The following NUP93 variants were observed in gnomAD, a reference collection of about 807,000 sequenced individuals.
The protein encoded by NUP93 is nucleoporin 93.
A neutral mutation model predicts 107.8 loss-of-function variants in NUP93; 55 were observed. The observed-to-expected ratio is 0.51, with a 90% confidence interval of 0.41 to 0.64. The LOEUF is 0.64. Ranked by LOEUF, NUP93 falls within the 30% of genes least tolerant of loss-of-function variation. NUP93 has a pLI of 0.00. For synonymous variants in NUP93, 390 were observed against 397.5 expected, an observed-to-expected ratio of 0.98 and a Z score of 0.22; for missense variants, 937 against 1,044.7, an observed-to-expected ratio of 0.90 and a Z score of 1.42.
chr16:56,828,376 T>C (rs1963712520), intron 8 of NUP93, among the ~76,000 whole-genome samples: 1 of 152,106 alleles, frequency 6.6e-6, no homozygotes, highest in African/African-American at 2.4e-5. Flanking sequence ...TAATAATAAA[T>C]TAATGTTAAG....
At chr16:56,761,834 TTTTTGTTGTTACCA>T (rs1962132601) in intron 3 of NUP93, among the ~76,000 whole-genome samples, 1 of 152,174 alleles carries the variant, frequency 6.6e-6, no homozygotes, top group Non-Finnish European at 1.5e-5. Context: ...TTAATATGGG[TTTTTGTTGTTACCA>T]TTTTGTTGTT....
At chr16:56,810,944 G>T (rs913469806) in intron 5 of NUP93, among the ~76,000 whole-genome samples, 1 of 152,126 alleles carries the variant, frequency 6.6e-6, no homozygotes, top group Non-Finnish European at 1.5e-5. Context: ...GTAACCTTTT[G>T]TATATTATTG....
In NUP93 at chr16:56,812,308, A is replaced by G. The variant is rs147026885; in HGVS notation, c.490-6356A>G. 2.6e-3 allele frequency among the ~76,000 whole-genome samples: 391 copies of G among 152,270 alleles called. 2 individuals are homozygous for G. Among genetic ancestry groups the G allele is most frequent in the African/African-American group, 8.8e-3 (365 of 41,562 alleles). ...ACAGGAGTTTCCCCCAGTTCCTTCT[A>G]AAGGAGACATTGGTAATATCTGTTC... On this transcript the variant is annotated intron_variant, in intron 5 of 21. Coordinates refer to ENST00000308159, the MANE Select transcript of NUP93 (RefSeq NM_014669.5).
chr16:56,844,243 C>T (rs1207995407), intron 21 of NUP93, among the ~76,000 whole-genome samples: 1 of 152,178 alleles, frequency 6.6e-6, no homozygotes, highest in Admixed American at 6.5e-5. Context: ...CTGGCAAACC[C>T]ATCTGCTTTT....
At chr16:56,810,517 G>C (rs1279585423) in intron 5 of NUP93, among the ~76,000 whole-genome samples, 1 of 151,972 alleles carries the variant, frequency 6.6e-6, no homozygotes, top group African/African-American at 2.4e-5. Context: ...CTGTAGTCTG[G>C]GCTACTCAAG....
chr16:56,804,846 C>T (rs1963099596), intron 4 of NUP93, among the ~76,000 whole-genome samples: 1 of 148,970 alleles, frequency 6.7e-6, no homozygotes, highest in Non-Finnish European at 1.5e-5. Context: ...GCGGAGGTTG[C>T]AGTGAGCCGA....
intron 3 of NUP93, chr16:56,783,698 C>T (rs1396299243): frequency 6.1e-6 from 6 of 985,198 alleles, no homozygotes; most frequent in Admixed American, 6.2e-5. Context: ...GTATCATGGT[C>T]GAGGTGAGCT....
At chr16:56,808,115 ATTATATAACTATATAAATATAT>A (rs1567398089) in intron 5 of NUP93, among the ~76,000 whole-genome samples, 1 of 123,856 alleles carries the variant, frequency 8.1e-6, no homozygotes, top group African/African-American at 3.0e-5. Flanking sequence ...ATAAATATAT[ATTATATAACTATATAAATATAT>A]TTATATAACT....
chr16:56,794,927 C>CAAAAAAAAAAAAA (rs747651772), intron 3 of NUP93, among the ~76,000 whole-genome samples: 1 of 71,914 alleles, frequency 1.4e-5, no homozygotes, highest in Non-Finnish European at 2.5e-5. Flanking sequence ...GACTCTGTCT[C>CAAAAAAAAAAAAA]AAAAAAAAAA....
intron 9 of NUP93, among the ~76,000 whole-genome samples, chr16:56,830,122 C>G (rs1596851701): frequency 6.6e-6 from 1 of 152,174 alleles, no homozygotes; most frequent in African/African-American, 2.4e-5. Flanking sequence ...AGGATAGTCT[C>G]TTACTGGTCA....
rs535368460 is a variant in NUP93, at chr16:56,795,867, G to A, written c.298-2609G>A. On this transcript the variant is annotated intron_variant, in intron 3 of 21. Transcript: ENST00000308159. ...TCACCATGTTGGCCAGGATGGTCTCGAACTCCTGACCTCAAGTGATCCACC... is the reference window on the plus strand; with the variant it reads ...TCACCATGTTGGCCAGGATGGTCTCAAACTCCTGACCTCAAGTGATCCACC... 1.1e-4 allele frequency among the ~76,000 whole-genome samples: 17 copies of A among 152,106 alleles called. No homozygotes were observed. In the South Asian group the frequency reaches 2.9e-3, roughly 26 times the overall value.
chr16:56,773,938 C>CAT (rs1469467310), intron 3 of NUP93, among the ~76,000 whole-genome samples: 1 of 152,126 alleles, frequency 6.6e-6, no homozygotes, highest in African/African-American at 2.4e-5. Context: ...TCATCAAGGA[C>CAT]ATAGTGTTCA....
At chr16:56,839,750 C>T (rs757582541) in intron 20 of NUP93, 146 bp downstream of exon 20, 9 of 678,664 alleles carry the variant, frequency 1.3e-5, no homozygotes, top group Admixed American at 9.8e-5. Flanking sequence ...CTTTCAGATA[C>T]CTTGGCCTGG....
intron 2 of NUP93, among the ~76,000 whole-genome samples, chr16:56,757,210 G>A (rs1196250540): frequency 6.6e-6 from 1 of 152,210 alleles, no homozygotes; most frequent in African/African-American, 2.4e-5. Flanking sequence ...TATACCTGTA[G>A]GTGTTAGGGT....
At chr16:56,739,534 C>G (rs1246620470) in intron 1 of NUP93, among the ~76,000 whole-genome samples, 17 of 111,242 alleles carry the variant, frequency 1.5e-4, no homozygotes, top group African/African-American at 5.3e-4. Flanking sequence ...CTGACCCCCC[C>G]CCACCTCCCT....
rs34670294 is a variant in NUP93 at position 56,748,396 on chromosome 16, G to A, written c.149G>A (p.Arg50His). 6.2e-6 allele frequency: 10 copies of A among 1,613,554 alleles called. No homozygotes were observed. In the African/African-American group the frequency reaches 8.0e-5, roughly 13 times the overall value. ...CGCCTGCGTTCCCGTACCCTAACAC[G>A]CACGTCCCAGGAGACGGCAGATGTC... is the stretch of plus-strand genomic sequence containing the variant. ...GERLRSRTLT[R>H]TSQETADVKA... Residue 50 changes from arginine (R) to histidine (H), a missense_variant, in exon 2 of 22, where the codon CGC (arginine) becomes CAC (histidine). By Grantham distance (29) the Arg-to-His change is conservative. Transcript: ENST00000308159.
At chr16:56,772,298 T>C (rs1464548646) in intron 3 of NUP93, among the ~76,000 whole-genome samples, 2 of 152,222 alleles carry the variant, frequency 1.3e-5, no homozygotes, top group African/African-American at 2.4e-5. Context: ...CTTGGCAGTA[T>C]GCACCCACCA....
chr16:56,839,525 T>C lies in NUP93; in HGVS notation c.2141T>C (p.Ile714Thr). Residue 714 changes from isoleucine to threonine, a missense_variant, in exon 20 of 22, where the codon ATT (isoleucine) becomes ACT (threonine). By Grantham distance (89) the Ile-to-Thr change is moderately conservative (BLOSUM62 -1). Coordinates refer to ENST00000308159, the MANE Select transcript of NUP93 (RefSeq NM_014669.5). The part of the protein sequence containing the change: ...SGHIDRAFDI[I>T]ERLKLVPLNQ... ...GCCGGTGGTTGTTTTAAACAGATCA[T>C]TGAGCGCTTGAAGCTGGTGCCCCTG... 6.2e-7 allele frequency: 1 copy of C among 1,611,330 alleles called. No individual in the cohort carries two copies. The highest frequency in any genetic ancestry group is 1.3e-5 in the African/African-American group (1 of 74,744).
chr16:56,832,190 C>G (rs1408147321), intron 11 of NUP93, 105 bp from the exon 12 acceptor site: 6 of 1,257,336 alleles, frequency 4.8e-6, no homozygotes, highest in Non-Finnish European at 7.0e-6. Context: ...TTAAACACAG[C>G]TTCTAGCTGA....
Sources: allele counts gnomAD v4.1 joint callset (sites outside exome capture counted in the v4.1 genomes callset), GRCh38; gene constraint gnomAD v4.1.1; transcripts MANE v1.5; gene names NCBI Gene and HGNC (gene_info 2026-07-23, HGNC 2026-07-21).